The following AGO4 variants were observed in gnomAD, a reference collection of about 807,000 sequenced individuals.
AGO4 encodes the protein argonaute RISC component 4.
Under a neutral mutation model 104.7 loss-of-function variants are expected in AGO4, and 33 were observed. The ratio of observed to expected loss-of-function variants is 0.32; its 90% confidence interval spans 0.24 to 0.42. The LOEUF is 0.42. Ranked by LOEUF, AGO4 falls within the 10% of genes least tolerant of loss-of-function variation. The pLI is 1.00. For synonymous variants in AGO4, 331 were observed against 364.7 expected (o/e 0.91, Z 1.05); for missense variants, 711 against 1,083.4 (o/e 0.66, Z 4.83).
chr1:35,810,597 G>A (rs1384746411), intron 1 of AGO4, among the ~76,000 whole-genome samples: 2 of 152,156 alleles, frequency 1.3e-5, no homozygotes, highest in Non-Finnish European at 2.9e-5. Context: ...TCCTCTGGGA[G>A]GTAGGCAGGG....
chr1:35,825,529 G>A, intron 4 of AGO4, 35 bp downstream of exon 4: 1 of 1,593,832 alleles, frequency 6.3e-7, no homozygotes, highest in Non-Finnish European at 8.6e-7. Flanking sequence ...TCCTACAAAT[G>A]TCAGACTTTT....
intron 2 of AGO4, among the ~76,000 whole-genome samples, 179 bp from the exon 3 acceptor site, chr1:35,822,683 A>G (rs915579699): frequency 6.6e-6 from 1 of 152,138 alleles, no homozygotes; most frequent in African/African-American, 2.4e-5. Context: ...GTTTTTGTAC[A>G]CTTGTTGCTA....
Position 35,853,721 on chromosome 1 carries a change from C to A in AGO4, c.*116C>A. On this transcript the variant is annotated 3_prime_UTR_variant, in exon 18 of 18. Coordinates refer to ENST00000373210, the MANE Select transcript of AGO4 (RefSeq NM_017629.4). ...ACTTCAGGTGGTCTTCTACCAGCAGCTCGGAATAGTTGCACTGAATCTATA... is the reference window on the plus strand; with the variant it reads ...ACTTCAGGTGGTCTTCTACCAGCAGATCGGAATAGTTGCACTGAATCTATA... 1 of 790,260 alleles carries A rather than the reference C, an allele frequency of 1.3e-6. No individual in the cohort carries two copies. Among genetic ancestry groups the A allele is most frequent in the Non-Finnish European group, 2.1e-6 (1 of 481,086 alleles). The allele number at this position is 790,260 out of a possible 1,614,324, so 49.0% of individuals were successfully genotyped here.
chr1:35,828,734 T>G (rs1271849067), intron 7 of AGO4, among the ~76,000 whole-genome samples: 2 of 152,140 alleles, frequency 1.3e-5, no homozygotes, highest in Admixed American at 6.5e-5. Flanking sequence ...TTGGCCAGGC[T>G]GATCTTGAAC....
At chr1:35,809,670 A>G (rs1394472538) in intron 1 of AGO4, among the ~76,000 whole-genome samples, 1 of 152,236 alleles carries the variant, frequency 6.6e-6, no homozygotes, top group South Asian at 2.1e-4. Flanking sequence ...GGCTAAAGAC[A>G]TGCTCAGGTC....
In AGO4 at chr1:35,816,906, C is replaced by T. The variant is rs1643727303; in HGVS notation, c.44C>T (p.Pro15Leu). 5 of 1,612,796 alleles carry T rather than the reference C, an allele frequency of 3.1e-6. No individual in the cohort carries two copies. The highest frequency in any genetic ancestry group is 1.7e-5 in the Admixed American group (1 of 59,914). ...GPGPPASLFQ[P>L]PRRPGLGTVG... ...GGACCTCCGGCTAGCCTGTTTCAGCCACCTCGTCGTCCTGGCCTTGGAACT... is the reference window on the plus strand; with the variant it reads ...GGACCTCCGGCTAGCCTGTTTCAGCTACCTCGTCGTCCTGGCCTTGGAACT... The change falls in exon 2 of 18, where the codon CCA becomes CTA. Residue 15 changes from proline to leucine, a missense_variant. By Grantham distance (98) the Pro-to-Leu change is moderately conservative (BLOSUM62 -3). Around this residue, in one of 3 missense-constraint regions of AGO4, gnomAD observed 308 missense variants for 397.8 expected, o/e 0.77. Transcript: ENST00000373210.
At chr1:35,840,971 T>TCTGGA (rs1644427684) in intron 13 of AGO4, among the ~76,000 whole-genome samples, 194 bp from the exon 14 acceptor site, 2 of 152,268 alleles carry the variant, frequency 1.3e-5, no homozygotes, top group East Asian at 3.9e-4. Context: ...CATGTTCACT[T>TCTGGA]CTTCAGTCAG....
At chr1:35,843,461 G>A (rs1296217489) in intron 15 of AGO4, among the ~76,000 whole-genome samples, 1 of 151,814 alleles carries the variant, frequency 6.6e-6, no homozygotes, top group Non-Finnish European at 1.5e-5. Flanking sequence ...TAAATTAAAA[G>A]GGCTGTTTTA....
At position 35,808,814 on chromosome 1, in the gene AGO4, G is replaced by C. The variant is rs1423545630; in HGVS notation, c.19+379G>C. Among the ~76,000 whole-genome samples the C allele has an allele frequency of 4.6e-5, 7 of 152,204 alleles. No homozygotes were observed. The highest frequency in any genetic ancestry group is 7.3e-5 in the Non-Finnish European group (5 of 68,042). On this transcript the variant is annotated intron_variant, in intron 1 of 17. Transcript: ENST00000373210. This position sits in a 1 kb window ranked among gnomAD's most constrained non-coding sequence, Gnocchi z 5.2. ...GGAGGCCTGGCCCAGACCGGGAAAA[G>C]GGCCCCGCTGCCTACTACCAGCCGG...
intron 1 of AGO4, among the ~76,000 whole-genome samples, chr1:35,810,756 G>C (rs906367598): frequency 6.6e-6 from 1 of 152,102 alleles, no homozygotes; most frequent in African/African-American, 2.4e-5. Context: ...CTTCATTAAG[G>C]CTGACTTCAT....
At chr1:35,809,511 G>A (rs12083902) in intron 1 of AGO4, among the ~76,000 whole-genome samples, 32,460 of 152,086 alleles carry the variant, frequency 0.21, 5,502 homozygotes, top group East Asian at 0.7. Context: ...GAGTGATTAA[G>A]CCCCACCCTA....
chr1:35,822,014 A>G (rs548695557), intron 2 of AGO4, among the ~76,000 whole-genome samples: 4 of 151,964 alleles, frequency 2.6e-5, no homozygotes, highest in Admixed American at 2.6e-4. Flanking sequence ...CAGCCCCCCA[A>G]GTACCCGGGA....
chr1:35,835,781 T>C (rs1571292387), intron 12 of AGO4, 53 bp from the exon 13 acceptor site: 1 of 1,463,636 alleles, frequency 6.8e-7, no homozygotes, highest in Non-Finnish European at 9.2e-7. Flanking sequence ...CTTCTGCTTT[T>C]AGTAATTAGG....
rs1644766592 is a variant in AGO4 at position 35,854,020 on chromosome 1, A to C, written c.*415A>C. On this transcript the variant is annotated 3_prime_UTR_variant, in exon 18 of 18. Coordinates refer to ENST00000373210, the MANE Select transcript of AGO4 (RefSeq NM_017629.4). ...GGGTATATGCATAAGTGGGAGAGAAAAACCAAACAATCTACTTCAGTTCAG... is the reference window on the plus strand; with the variant it reads ...GGGTATATGCATAAGTGGGAGAGAACAACCAAACAATCTACTTCAGTTCAG... 4 of 153,568 alleles carry C rather than the reference A, an allele frequency of 2.6e-5. No individual in the cohort carries two copies. Among genetic ancestry groups the C allele is most frequent in the African/African-American group, 9.6e-5 (4 of 41,464 alleles). The allele number at this position is 153,568 out of a possible 1,614,324, so 9.5% of individuals were successfully genotyped here. A position where few individuals can be genotyped will look rare whatever the true frequency, so the allele number is the denominator to read the frequency against.
chr1:35,817,686 A>G (rs1031027797), intron 2 of AGO4, among the ~76,000 whole-genome samples: 2 of 152,188 alleles, frequency 1.3e-5, no homozygotes, highest in Non-Finnish European at 2.9e-5. Context: ...ATGCAGTGAC[A>G]TTCAGGCAAT....
chr1:35,829,077 T>C (rs1341958812), intron 7 of AGO4, among the ~76,000 whole-genome samples: 2 of 151,786 alleles, frequency 1.3e-5, no homozygotes, highest in Non-Finnish European at 2.9e-5. Context: ...GACTTTGTTT[T>C]AGATTCATGA....
intron 7 of AGO4, among the ~76,000 whole-genome samples, chr1:35,830,392 T>C (rs1351118330): frequency 1.3e-5 from 2 of 152,174 alleles, no homozygotes; most frequent in East Asian, 3.8e-4. Context: ...CATAAAGTTA[T>C]CTTAAGGGAA....
chr1:35,843,031 G>T (rs1189450691), intron 15 of AGO4, among the ~76,000 whole-genome samples: 3 of 151,922 alleles, frequency 2.0e-5, no homozygotes, highest in Non-Finnish European at 4.4e-5. Flanking sequence ...GTACACTCTA[G>T]TTTTTTTGTC....
intron 1 of AGO4, among the ~76,000 whole-genome samples, chr1:35,816,505 T>G (rs1006557790): frequency 5.9e-5 from 9 of 151,896 alleles, no homozygotes; most frequent in East Asian, 1.9e-4. Flanking sequence ...AGAAGAAGAA[T>G]AAATAGCACA....
Sources: allele counts gnomAD v4.1 joint callset (sites outside exome capture counted in the v4.1 genomes callset), GRCh38; gene constraint gnomAD v4.1.1; regional missense constraint gnomAD v4.1.1; non-coding constraint Gnocchi (gnomAD v3.1); transcripts MANE v1.5; gene names NCBI Gene and HGNC (gene_info 2026-07-23, HGNC 2026-07-21).